SEC22A: variants seen among roughly 807,000 people sequenced by gnomAD.
The protein encoded by SEC22A is vesicle-trafficking protein SEC22a.
Under a neutral mutation model 35.3 loss-of-function variants are expected in SEC22A, and 22 were observed. The ratio of observed to expected loss-of-function variants is 0.62; its 90% CI spans 0.45 to 0.89. SEC22A has a LOEUF of 0.89. Ranked by LOEUF, SEC22A falls within the 40% of genes least tolerant of loss-of-function variation. The pLI is 0.00. For synonymous variants in SEC22A, 119 were observed against 129.5 expected, an observed-to-expected ratio of 0.92 and a Z score of 0.55; for missense variants, 354 against 362.5, an observed-to-expected ratio of 0.98 and a Z score of 0.19.
At chr3:123,269,943 T>TTA (rs397990977) in intron 6 of SEC22A, among the ~76,000 whole-genome samples, 2 of 151,408 alleles carry the variant, frequency 1.3e-5, no homozygotes, top group African/African-American at 4.9e-5. Flanking sequence ...AAAATTTTTT[T>TTA]AAAAAAAGAT....
intron 6 of SEC22A, among the ~76,000 whole-genome samples, chr3:123,267,412 G>A (rs1229914127): frequency 4.0e-5 from 6 of 151,690 alleles, no homozygotes; most frequent in African/African-American, 1.5e-4. Context: ...TAGGCATCAC[G>A]TAATACATAC....
At chr3:123,243,032 T>A (rs1000456055) in intron 4 of SEC22A, among the ~76,000 whole-genome samples, 9 of 152,170 alleles carry the variant, frequency 5.9e-5, no homozygotes, top group African/African-American at 2.2e-4. Flanking sequence ...AGCCTAGAAT[T>A]GTATACTATC....
At chr3:123,256,758 C>CTTT (rs386397801) in intron 5 of SEC22A, among the ~76,000 whole-genome samples, 29 of 83,534 alleles carry the variant, frequency 3.5e-4, no homozygotes, top group African/African-American at 4.7e-4. Flanking sequence ...TTTTTCTTTC[C>CTTT]TTTTTTTTTT....
At chr3:123,245,462 A>C (rs1937558285) in intron 4 of SEC22A, among the ~76,000 whole-genome samples, 1 of 152,190 alleles carries the variant, frequency 6.6e-6, no homozygotes, top group African/African-American at 2.4e-5. Context: ...TGGGAGGCCA[A>C]GGTCAGAGGA....
intron 4 of SEC22A, among the ~76,000 whole-genome samples, chr3:123,226,382 C>T (rs1011630414): frequency 2.0e-5 from 3 of 152,144 alleles, no homozygotes; most frequent in South Asian, 2.1e-4. Flanking sequence ...TTGGATAAAA[C>T]CCAGTTTAAC....
chr3:123,238,872 C>T (rs1374020984), intron 4 of SEC22A, among the ~76,000 whole-genome samples: 1 of 152,078 alleles, frequency 6.6e-6, no homozygotes, highest in Non-Finnish European at 1.5e-5. Flanking sequence ...GCTTTTACTT[C>T]TTTTAAAACT....
chr3:123,217,788 T>A (rs918366234), intron 2 of SEC22A, among the ~76,000 whole-genome samples: 1 of 152,232 alleles, frequency 6.6e-6, no homozygotes, highest in Non-Finnish European at 1.5e-5. Flanking sequence ...TGTATATATC[T>A]TGGTTTGTAA....
At chr3:123,254,468 T>G (rs370237132) in intron 5 of SEC22A, among the ~76,000 whole-genome samples, 3 of 152,162 alleles carry the variant, frequency 2.0e-5, no homozygotes, top group African/African-American at 4.8e-5. Flanking sequence ...TCCTCTGCCT[T>G]CCTTCCTGTC....
intron 6 of SEC22A, among the ~76,000 whole-genome samples, chr3:123,264,792 C>T (rs542461544): frequency 6.6e-6 from 1 of 151,812 alleles, no homozygotes; most frequent in East Asian, 1.9e-4. Flanking sequence ...TCATGCCTAG[C>T]TAATTTTGTT....
intron 2 of SEC22A, among the ~76,000 whole-genome samples, chr3:123,211,426 G>A (rs1330340817): frequency 6.6e-6 from 1 of 152,048 alleles, no homozygotes. Flanking sequence ...TGTTTATGAG[G>A]TGTGAGGCAG....
chr3:123,234,743 C>T (rs1490180948), intron 4 of SEC22A, among the ~76,000 whole-genome samples: 1 of 152,110 alleles, frequency 6.6e-6, no homozygotes, highest in African/African-American at 2.4e-5. Context: ...AAAAAATAGG[C>T]TGGGCTCAGT....
intron 2 of SEC22A, among the ~76,000 whole-genome samples, chr3:123,221,470 C>CAAAAAAAAAAA (rs56800842): frequency 1.7e-5 from 1 of 60,604 alleles, no homozygotes; most frequent in Non-Finnish European, 2.9e-5. Flanking sequence ...GAGTCCATCT[C>CAAAAAAAAAAA]AAAAAAAAAA....
Position 123,217,783 on chromosome 3 carries a change from A to G in SEC22A, c.183-5776A>G, listed in dbSNP as rs1316462590. ...ATTTAGCATGCTACATTTTATGTAT[A>G]TATCTTGGTTTGTAAATCACTGTGA... On this transcript the variant is annotated intron_variant, in intron 2 of 6. Transcript: ENST00000492595. 4.6e-5 allele frequency among the ~76,000 whole-genome samples: 7 copies of G among 152,198 alleles called. No homozygotes were observed. The East Asian group carries it at 1.2e-3, about 25-fold the overall frequency.
intron 5 of SEC22A, among the ~76,000 whole-genome samples, chr3:123,256,516 C>T (rs1367212313): frequency 1.3e-5 from 2 of 152,138 alleles, no homozygotes; most frequent in African/African-American, 4.8e-5. Flanking sequence ...CTCTTCCTAC[C>T]TTGCCTACCT....
chr3:123,269,215 G>GTGTGTGTGTGTGTGTGTGTGTATA (rs10642998), intron 6 of SEC22A, among the ~76,000 whole-genome samples: 7 of 136,780 alleles, frequency 5.1e-5, no homozygotes, highest in African/African-American at 1.7e-4. Context: ...GTGTGTGTGT[G>GTGTGTGTGTGTGTGTGTGTGTATA]TATATATTAC....
chr3:123,230,338 A>C (rs926243810), intron 4 of SEC22A, among the ~76,000 whole-genome samples: 2 of 152,218 alleles, frequency 1.3e-5, no homozygotes, highest in African/African-American at 4.8e-5. Flanking sequence ...TGATAATTCA[A>C]ATCAACAGGA....
At position 123,260,131 on chromosome 3, in the gene SEC22A, C is replaced by CAAAAAAAAA. The variant is rs533386545; in HGVS notation, c.723+572_723+580dup. 1.4e-3 allele frequency among the ~76,000 whole-genome samples: 71 copies of CAAAAAAAAA among 49,784 alleles called. 7 individuals are homozygous for CAAAAAAAAA. The highest frequency in any genetic ancestry group is 1.8e-3 in the Non-Finnish European group (57 of 31,072). The allele number at this position is 49,784 out of a possible 152,430, so 32.7% of individuals were successfully genotyped here. A position where few individuals can be genotyped will look rare whatever the true frequency, so the allele number is the denominator to read the frequency against. The stretch of plus-strand genomic sequence containing the variant: ...TGGGCAACAGAGCGAGACTACATCT[C>CAAAAAAAAA]AAAAAAAAAAAAAAAAAAAAAAAAA... On this transcript the variant is annotated intron_variant, in intron 6 of 6. Coordinates refer to ENST00000492595, the MANE Select transcript of SEC22A (RefSeq NM_012430.5).
chr3:123,242,723 A>G (rs570222530), intron 4 of SEC22A, among the ~76,000 whole-genome samples: 154 of 152,266 alleles, frequency 1.0e-3, no homozygotes, highest in African/African-American at 3.4e-3. Context: ...TGTCTGACTT[A>G]TAGAAAATAA....
chr3:123,203,316 A>G (rs940442280), intron 1 of SEC22A, among the ~76,000 whole-genome samples: 3 of 152,104 alleles, frequency 2.0e-5, no homozygotes, highest in African/African-American at 7.2e-5. Flanking sequence ...AATAATACCT[A>G]TCTCACAGGT....
Sources: allele counts gnomAD v4.1 joint callset (sites outside exome capture counted in the v4.1 genomes callset), GRCh38; gene constraint gnomAD v4.1.1; transcripts MANE v1.5; gene names NCBI Gene and HGNC (gene_info 2026-07-23, HGNC 2026-07-21).